GSTM1: variants seen among roughly 807,000 people sequenced by gnomAD.
GSTM1 encodes the protein glutathione S-transferase mu 1.
A neutral mutation model predicts 17.3 loss-of-function variants in GSTM1; 6 were observed. That is an observed-to-expected ratio of 0.35 (90% CI 0.19 to 0.68). The LOEUF (loss-of-function observed/expected upper bound fraction) is 0.68. Ranked by LOEUF, GSTM1 falls within the 30% of genes least tolerant of loss-of-function variation. The probability of loss-of-function intolerance (pLI) is 0.65; values close to 1 mark genes in which losing one functional copy is unlikely to be tolerated. For synonymous variants in GSTM1, 20 were observed against 53.6 expected (o/e 0.37, Z 2.74); for missense variants, 62 against 155.9 (o/e 0.40, Z 3.21).
rs369960865 is a variant in GSTM1, at chr1:109,688,785, C to G, written c.177+48C>G. The stretch of plus-strand genomic sequence containing the variant: ...TTTTGGGGGAAAGTGCAACGTGTCT[C>G]TGACTGCATCTCCTCTCCCCAGCTT... On this transcript the variant is annotated intron_variant, in intron 3 of 7. Coordinates refer to ENST00000309851, the MANE Select transcript of GSTM1 (RefSeq NM_000561.4). 6.3e-4 allele frequency: 446 copies of G among 705,498 alleles called. 141 individuals are homozygous for G. In the African/African-American group the frequency reaches 7.7e-3, roughly 12 times the overall value. The allele number at this position is 705,498 out of a possible 1,614,324, so 43.7% of individuals were successfully genotyped here. A position where few individuals can be genotyped will look rare whatever the true frequency, so the allele number is the denominator to read the frequency against.
intron 7 of GSTM1, among the ~76,000 whole-genome samples, chr1:109,691,948 G>A (rs12097277): frequency 0.058 from 4,699 of 80,488 alleles, 1,633 homozygotes; most frequent in African/African-American, 0.16. Context: ...CAGGCTTAGT[G>A]GCCTTGGAGT....
At position 109,688,874 on chromosome 1, in the gene GSTM1, T is replaced by C. The variant is rs2101278705; in HGVS notation, c.177+137T>C. The C allele has an allele frequency of 1.8e-5, 9 of 489,954 alleles. 4 individuals carry two copies. In the South Asian group the frequency reaches 1.9e-4, roughly 11 times the overall value. 30.4% of individuals were successfully genotyped at this position (489,954 alleles called of 1,614,324 possible). ...TCACTCCTGGCTGTCTAAACAGTCC[T>C]TCCATGATGTTCTGTGTCCACCTGC... On this transcript the variant is annotated intron_variant, in intron 3 of 7. Transcript: ENST00000309851.
chr1:109,689,749 C>T (rs1381397398), intron 5 of GSTM1, among the ~76,000 whole-genome samples: 16 of 80,038 alleles, frequency 2.0e-4, no homozygotes, highest in African/African-American at 5.0e-4. Flanking sequence ...CTGTCATTGA[C>T]ATGCACAGGG....
Position 109,692,480 on chromosome 1 carries a change from A to G in GSTM1, c.568-726A>G, listed in dbSNP as rs1457780705. Among the ~76,000 whole-genome samples, 9 of 80,296 alleles carry G rather than the reference A, an allele frequency of 1.1e-4. 2 individuals are homozygous for G. Among genetic ancestry groups the G allele is most frequent in the African/African-American group, 3.2e-4 (9 of 28,132 alleles). The allele number at this position is 80,296 out of a possible 152,430, so 52.7% of individuals were successfully genotyped here. On this transcript the variant is annotated intron_variant, in intron 7 of 7. Transcript: ENST00000309851. ...GGGCACAGTGAGATTTTGCTCAGGT[A>G]TTAGATGGAGAACTTTGGACTTTCT...
At position 109,690,439 on chromosome 1, in the gene GSTM1, C is replaced by T. The variant is rs1648069153; in HGVS notation, c.457-15C>T. On this transcript the variant is annotated splice_polypyrimidine_tract_variant and intron_variant, in intron 6 of 7. Transcript: ENST00000309851. Reference sequence around the variant, plus strand: ...TTATGGAGGTTCCAGCCCACATATTCTTGGCCTTCTGCAGATCACTTTTGT... The same window carrying T: ...TTATGGAGGTTCCAGCCCACATATTTTTGGCCTTCTGCAGATCACTTTTGT... 1.3e-6 allele frequency: 1 copy of T among 783,968 alleles called. No homozygotes were observed. Among genetic ancestry groups the T allele is most frequent in the African/African-American group, 1.9e-5 (1 of 52,946 alleles). 48.6% of individuals were successfully genotyped at this position (783,968 alleles called of 1,614,324 possible).
intron 7 of GSTM1, among the ~76,000 whole-genome samples, chr1:109,692,940 T>G (rs1648135094): frequency 1.2e-5 from 1 of 81,728 alleles, no homozygotes; most frequent in South Asian, 3.7e-4. Context: ...GCTTACGTTG[T>G]AATTTCTCTT....
Position 109,690,558 on chromosome 1 carries a change from CT to C in GSTM1, c.564del (p.Phe188LeufsTer11). On this transcript the variant is annotated frameshift_variant, in exon 7 of 8. Coordinates refer to ENST00000309851, the MANE Select transcript of GSTM1 (RefSeq NM_000561.4). LOFTEE classifies it high-confidence loss of function. Reference sequence around the variant, plus strand: ...CAAATCTGAAGGACTTCATCTCCCGCTTTGAGGTGATGCCCCCATCCTCCTT... The same window carrying C: ...CAAATCTGAAGGACTTCATCTCCCGCTTGAGGTGATGCCCCCATCCTCCTT... ...FPNLKDFISR[F>X]EGLEKISAYM... is the part of the protein sequence containing the mutation. The C allele has an allele frequency of 9.9e-7, 1 of 1,011,108 alleles. No individual in the cohort carries two copies. Among genetic ancestry groups the C allele is most frequent in the Non-Finnish European group, 1.4e-6 (1 of 731,984 alleles). The allele number at this position is 1,011,108 out of a possible 1,614,324, so 62.6% of individuals were successfully genotyped here.
chr1:109,689,627 T>C lies in GSTM1; in HGVS notation c.360+302T>C, dbSNP rs1648049667. Among the ~76,000 whole-genome samples the C allele has an allele frequency of 2.5e-5, 2 of 78,668 alleles. 1 individual carries two copies. The highest frequency in any genetic ancestry group is 7.3e-5 in the African/African-American group (2 of 27,420). 51.6% of individuals were successfully genotyped at this position (78,668 alleles called of 152,430 possible). On this transcript the variant is annotated intron_variant, in intron 5 of 7. Coordinates refer to ENST00000309851, the MANE Select transcript of GSTM1 (RefSeq NM_000561.4). ...TGACTTCTGTCCTGGGTCATTTCTG[T>C]CAGCCAGTTCACATCACCTGCCTGC...
Position 109,687,885 on chromosome 1 carries a change from A to T in GSTM1, c.12A>T (p.Ile4=), listed in dbSNP as rs781002054. ...CACCAACCAGCACCATGCCCATGATACTGGGGTACTGGGACATCCGCGGGG... is the reference window on the plus strand; with the variant it reads ...CACCAACCAGCACCATGCCCATGATTCTGGGGTACTGGGACATCCGCGGGG... MPM[I]LGYWDIRGLA... The change falls in exon 1 of 8, where the codon ATA becomes ATT. Residue 4 remains isoleucine, a synonymous_variant. Transcript: ENST00000309851. 19 of 793,190 alleles carry T rather than the reference A, an allele frequency of 2.4e-5. 4 individuals carry two copies. The African/African-American group carries it at 3.4e-4, about 14-fold the overall frequency. The allele number at this position is 793,190 out of a possible 1,614,324, so 49.1% of individuals were successfully genotyped here.
At position 109,692,087 on chromosome 1, in the gene GSTM1, G is replaced by A. The variant is rs1380239940; in HGVS notation, c.568-1119G>A. 2.4e-4 allele frequency among the ~76,000 whole-genome samples: 14 copies of A among 58,208 alleles called. 3 individuals carry two copies. Among genetic ancestry groups the A allele is most frequent in the African/African-American group, 7.1e-4 (14 of 19,650 alleles). The allele number at this position is 58,208 out of a possible 152,430, so 38.2% of individuals were successfully genotyped here. ...TTTTTTTTTTTTTTTTTGAGATCGT[G>A]TCTTGCTGTTGCCCAGGCTGGAGTG... On this transcript the variant is annotated intron_variant, in intron 7 of 7. Coordinates refer to ENST00000309851, the MANE Select transcript of GSTM1 (RefSeq NM_000561.4).
Position 109,689,124 on chromosome 1 carries a change from A to G in GSTM1, c.254A>G (p.Asn85Ser), listed in dbSNP as rs147668562. ...AILCYIARKHNLCGETEEEKI... is the reference protein window; with the variant it reads ...AILCYIARKHSLCGETEEEKI... ...TTGTGCTACATTGCCCGCAAGCACA[A>G]CCTGTGTGAGTGTGGGTGGCTGCAA... The change falls in exon 4 of 8, where the codon AAC (asparagine) becomes AGC (serine). Residue 85 changes from asparagine (N) to serine (S), a missense_variant. Asn to Ser is a conservative substitution (Grantham distance 46, BLOSUM62 1). Transcript: ENST00000309851. 39,116 of 796,178 alleles carry G rather than the reference A, an allele frequency of 0.049. 16,443 individuals are homozygous for G. Among genetic ancestry groups the G allele is most frequent in the Non-Finnish European group, 0.06 (33,159 of 552,236 alleles). 49.3% of individuals were successfully genotyped at this position (796,178 alleles called of 1,614,324 possible).
In GSTM1 at chr1:109,692,612, G is replaced by T. The variant is rs1222199322; in HGVS notation, c.568-594G>T. On this transcript the variant is annotated intron_variant, in intron 7 of 7. Coordinates refer to ENST00000309851, the MANE Select transcript of GSTM1 (RefSeq NM_000561.4). Reference sequence around the variant, plus strand: ...TTTTACTGAGACATTGGGTGAGTGTGTTCAGAGCCCCTTTGTTCTGCTGGA... The same window carrying T: ...TTTTACTGAGACATTGGGTGAGTGTTTTCAGAGCCCCTTTGTTCTGCTGGA... Among the ~76,000 whole-genome samples, 4 of 77,838 alleles carry T rather than the reference G, an allele frequency of 5.1e-5. 1 individual carries two copies. The highest frequency in any genetic ancestry group is 1.5e-4 in the African/African-American group (4 of 27,142). 51.1% of individuals were successfully genotyped at this position (77,838 alleles called of 152,430 possible).
At position 109,691,282 on chromosome 1, in the gene GSTM1, G is replaced by C. The variant is rs1361164042; in HGVS notation, c.567+718G>C. Among the ~76,000 whole-genome samples the C allele has an allele frequency of 7.0e-5, 4 of 56,878 alleles. 2 individuals carry two copies. The highest frequency in any genetic ancestry group is 8.1e-5 in the Non-Finnish European group (2 of 24,558). The allele number at this position is 56,878 out of a possible 152,430, so 37.3% of individuals were successfully genotyped here. ...GAGTCTTGCTCTGTTGCCCAGGCTG[G>C]AGTTCAATGGAGTGATCTTGGCTCA... On this transcript the variant is annotated intron_variant, in intron 7 of 7. Transcript: ENST00000309851.
At position 109,688,239 on chromosome 1, in the gene GSTM1, G is replaced by A; in HGVS notation, c.106G>A (p.Gly36Arg). ...SSYEEKKYTM[G>R]DAPDYDRSQW... The stretch of plus-strand genomic sequence containing the variant: ...CTATGAGGAAAAGAAGTACACGATG[G>A]GGGACGGTAATGGCACCCTCGTGTT... Residue 36 changes from glycine to arginine, a missense_variant, in exon 2 of 8, where the codon GGG becomes AGG. By Grantham distance (125) the Gly-to-Arg change is moderately radical. Transcript: ENST00000309851. The A allele has an allele frequency of 1.3e-6, 1 of 798,158 alleles. No homozygotes were observed. Among genetic ancestry groups the A allele is most frequent in the Middle Eastern group, 3.7e-4 (1 of 2,694 alleles). 49.4% of individuals were successfully genotyped at this position (798,158 alleles called of 1,614,324 possible).
In GSTM1 at chr1:109,688,863, C is replaced by CTTGA. The variant is rs1346708324; in HGVS notation, c.177+127_177+128insTGAT. ...CCCAATTCCTCTCACTCCTGGCTGT[C>CTTGA]TAAACAGTCCTTCCATGATGTTCTG... is the stretch of plus-strand genomic sequence containing the variant. On this transcript the variant is annotated intron_variant, in intron 3 of 7. Transcript: ENST00000309851. 6 of 496,848 alleles carry CTTGA rather than the reference C, an allele frequency of 1.2e-5. 2 individuals are homozygous for CTTGA. The highest frequency in any genetic ancestry group is 2.2e-5 in the African/African-American group (1 of 45,312). The allele number at this position is 496,848 out of a possible 1,614,324, so 30.8% of individuals were successfully genotyped here.
chr1:109,690,714 A>G, intron 7 of GSTM1, 150 bp downstream of exon 7: 1 of 620,256 alleles, frequency 1.6e-6, no homozygotes. Context: ...CATTATACCT[A>G]TTGTGTGAAA....
Position 109,691,716 on chromosome 1 carries a change from G to A in GSTM1, c.567+1152G>A, listed in dbSNP as rs1421004030. 2.4e-5 allele frequency among the ~76,000 whole-genome samples: 2 copies of A among 82,528 alleles called. 1 individual carries two copies. Among genetic ancestry groups the A allele is most frequent in the Non-Finnish European group, 6.3e-5 (2 of 31,748 alleles). The allele number at this position is 82,528 out of a possible 152,430, so 54.1% of individuals were successfully genotyped here. ...CTGCAGGCAGAGCAGCCTGTGAGGTGTGTGTGGCACCACCTGGGTACCAGG... is the reference window on the plus strand; with the variant it reads ...CTGCAGGCAGAGCAGCCTGTGAGGTATGTGTGGCACCACCTGGGTACCAGG... On this transcript the variant is annotated intron_variant, in intron 7 of 7. Coordinates refer to ENST00000309851, the MANE Select transcript of GSTM1 (RefSeq NM_000561.4).
chr1:109,690,183 C>T lies in GSTM1; in HGVS notation c.361-88C>T, dbSNP rs1648061009. On this transcript the variant is annotated intron_variant, in intron 5 of 7. Coordinates refer to ENST00000309851, the MANE Select transcript of GSTM1 (RefSeq NM_000561.4). ...GGGGAAGATGGCTGCTTGCCCATGG[C>T]CAGCCTGGGCCGTCCACAGCCCCGG... 4.2e-6 allele frequency: 2 copies of T among 473,958 alleles called. 1 individual carries two copies. Among genetic ancestry groups the T allele is most frequent in the Non-Finnish European group, 7.4e-6 (2 of 268,926 alleles). The allele number at this position is 473,958 out of a possible 1,614,324, so 29.4% of individuals were successfully genotyped here. A position where few individuals can be genotyped will look rare whatever the true frequency, so the allele number is the denominator to read the frequency against.
rs1424689797 is a variant in GSTM1 at position 109,688,260 on chromosome 1, G to A, written c.112+15G>A. 2 of 797,830 alleles carry A rather than the reference G, an allele frequency of 2.5e-6. 1 individual carries two copies. The highest frequency in any genetic ancestry group is 3.7e-5 in the African/African-American group (2 of 53,930). 49.4% of individuals were successfully genotyped at this position (797,830 alleles called of 1,614,324 possible). On this transcript the variant is annotated intron_variant, in intron 2 of 7. Transcript: ENST00000309851. ...GATGGGGGACGGTAATGGCACCCTC[G>A]TGTTCGGGCTCTGCCCACTCACGCT... is the stretch of plus-strand genomic sequence containing the variant.
Sources: gnomAD v4.1 joint callset for allele counts (sites outside exome capture counted in the v4.1 genomes callset) on GRCh38, gnomAD v4.1.1 for gene constraint, MANE v1.5 for transcripts, NCBI Gene and HGNC (gene_info 2026-07-23, HGNC 2026-07-21) for gene names.